The following ACTMAP variants were observed in gnomAD, a reference collection of about 807,000 sequenced individuals.
The protein encoded by ACTMAP is actin maturation protease, also known as UPF0692 protein C19orf54.
the ACTMAP span, among the ~76,000 whole-genome samples, chr19:40,743,122 C>T: frequency 6.6e-6 from 1 of 152,158 alleles, no homozygotes; most frequent in Admixed American, 6.6e-5. Context: ...CGGAGCCTCC[C>T]CCGGACCTCC....
the ACTMAP span, chr19:40,744,501 A>C: frequency 6.3e-7 from 1 of 1,599,494 alleles, no homozygotes; most frequent in African/African-American, 1.3e-5. Flanking sequence ...CATCCCACCC[A>C]GCCTCTCTGG....
the ACTMAP span, chr19:40,744,836 A>G: frequency 2.5e-6 from 3 of 1,202,394 alleles, no homozygotes; most frequent in Non-Finnish European, 2.3e-6. Context: ...GGGAGAGCCC[A>G]GGGCTGGAGG....
the ACTMAP span, chr19:40,749,398 A>G: frequency 2.9e-6 from 4 of 1,363,346 alleles, no homozygotes; most frequent in African/African-American, 6.2e-5. Flanking sequence ...TCTTGAGGAC[A>G]CGGGAACCCC....
the ACTMAP span, chr19:40,741,183 T>G: frequency 2.5e-6 from 1 of 395,944 alleles, no homozygotes; most frequent in East Asian, 3.6e-5. Context: ...GGCTCACACC[T>G]GTAATCCCAG....
At chr19:40,742,875 G>A in the ACTMAP span, 3 of 1,134,922 alleles carry the variant, frequency 2.6e-6, no homozygotes, top group South Asian at 3.1e-5. Context: ...GGGTGCAGCT[G>A]CCATTCCTAG....
chr19:40,749,848 G>T, the ACTMAP span: 2 of 1,321,192 alleles, frequency 1.5e-6, no homozygotes, highest in Non-Finnish European at 2.0e-6. Flanking sequence ...AAGCGGGGAG[G>T]GAAGGATCCT....
chr19:40,742,185 G>T, the ACTMAP span: 1 of 669,584 alleles, frequency 1.5e-6, no homozygotes, highest in Admixed American at 2.0e-5. Flanking sequence ...TGACAGAGGC[G>T]GCCCCTAGTG....
the ACTMAP span, chr19:40,744,761 T>TGCTGCCCTGGAGGAGTCCC: frequency 1.8e-4 from 265 of 1,504,882 alleles, 1 homozygote; most frequent in African/African-American, 3.3e-3. Flanking sequence ...GGAACAGGTT[T>TGCTGCCCTGGAGGAGTCCC]GCTGCCCTGG....
chr19:40,744,548 A>T, the ACTMAP span: 1 of 1,613,040 alleles, frequency 6.2e-7, no homozygotes, highest in Non-Finnish European at 8.5e-7. Flanking sequence ...GCATGCAGTC[A>T]CCCAGCTCAC....
the ACTMAP span, among the ~76,000 whole-genome samples, chr19:40,746,353 G>A: frequency 2.0e-5 from 3 of 151,744 alleles, no homozygotes; most frequent in Non-Finnish European, 4.4e-5. Flanking sequence ...CTGAGTAGCT[G>A]GGATTATAGG....
chr19:40,746,306 G>A, the ACTMAP span, among the ~76,000 whole-genome samples: 296 of 151,544 alleles, frequency 2.0e-3, no homozygotes, highest in Admixed American at 3.2e-3. Context: ...CACAACCTCC[G>A]CCTCCTGGGT....
the ACTMAP span, chr19:40,742,809 G>A: frequency 6.4e-7 from 1 of 1,552,802 alleles, no homozygotes; most frequent in Non-Finnish European, 8.7e-7. Context: ...CAGTGACTGA[G>A]CCAGGACCAG....
the ACTMAP span, chr19:40,743,760 C>T: frequency 1.0e-6 from 1 of 998,682 alleles, no homozygotes; most frequent in Non-Finnish European, 1.5e-6. Context: ...CTGGCAGACA[C>T]CTGGGGCCCA....
the ACTMAP span, among the ~76,000 whole-genome samples, chr19:40,743,161 T>C: frequency 6.6e-6 from 1 of 151,928 alleles, no homozygotes; most frequent in Admixed American, 6.6e-5. Flanking sequence ...CCTTCTTTCT[T>C]TCAGGCAGGG....
the ACTMAP span, chr19:40,744,867 G>A: frequency 8.1e-6 from 8 of 988,302 alleles, no homozygotes; most frequent in Admixed American, 2.0e-4. Context: ...GAAGGCGGGG[G>A]AGAGGTCACC....
At chr19:40,742,547 G>C in the ACTMAP span, 1 of 1,593,454 alleles carries the variant, frequency 6.3e-7, no homozygotes, top group Admixed American at 1.7e-5. Context: ...AGGGCGAGAA[G>C]TCCGTCAGCT....
the ACTMAP span, chr19:40,744,830 G>C: frequency 3.1e-6 from 4 of 1,280,788 alleles, no homozygotes; most frequent in East Asian, 5.1e-5. Context: ...CTTCAGGGGA[G>C]AGCCCAGGGC....
chr19:40,748,215 CCACTTTGGGA>C, the ACTMAP span, among the ~76,000 whole-genome samples: 1 of 151,974 alleles, frequency 6.6e-6, no homozygotes, highest in Admixed American at 6.6e-5. Flanking sequence ...TGTAATCCCA[CCACTTTGGGA>C]GGCTGAGGCA....
the ACTMAP span, among the ~76,000 whole-genome samples, chr19:40,747,453 G>A: frequency 9.2e-5 from 14 of 152,042 alleles, no homozygotes; most frequent in East Asian, 7.8e-4. Context: ...CAGAAGAATC[G>A]CTTGAACCCG....
Sources: gnomAD v4.1 joint callset for allele counts (sites outside exome capture counted in the v4.1 genomes callset) on GRCh38, gnomAD v4.1.1 for gene constraint, MANE v1.5 for transcripts, NCBI Gene and HGNC (gene_info 2026-07-23, HGNC 2026-07-21) for gene names.